SLC36A1: variants seen among roughly 807,000 people sequenced by gnomAD.
SLC36A1 encodes the protein proton-coupled amino acid transporter 1.
SLC36A1 carries 30 observed loss-of-function variants against 47.5 expected under a neutral mutation model. The observed-to-expected ratio is 0.63, with a 90% CI of 0.47 to 0.86. SLC36A1 has a LOEUF of 0.86. SLC36A1 is among the 40% of genes least tolerant of loss of function. The pLI, the probability that SLC36A1 is intolerant of heterozygous loss-of-function variation, is 0.00. For missense variants in SLC36A1, 517 were observed against 606.0 expected, an observed-to-expected ratio of 0.85 and a Z score of 1.54; for synonymous variants, 255 against 249.7, an observed-to-expected ratio of 1.02 and a Z score of -0.20.
chr5:151,554,557 G>A, the SLC36A1 span: 7 of 1,614,194 alleles, frequency 4.3e-6, no homozygotes, highest in South Asian at 6.6e-5. Flanking sequence ...TCTCTGGAAG[G>A]CGGACATTGA....
the SLC36A1 span, among the ~76,000 whole-genome samples, chr5:151,389,841 G>C: frequency 2.6e-4 from 40 of 151,872 alleles, no homozygotes; most frequent in East Asian, 2.1e-3. Context: ...CAAGTCTTTG[G>C]TATTGTGAAT....
the SLC36A1 span, chr5:151,528,186 G>A: frequency 9.4e-6 from 15 of 1,598,370 alleles, no homozygotes; most frequent in Non-Finnish European, 8.6e-7. Flanking sequence ...TTGACCCCTG[G>A]GAGTACAGGG....
the SLC36A1 span, chr5:151,386,947 A>G: frequency 1.4e-4 from 22 of 152,394 alleles, no homozygotes; most frequent in Middle Eastern, 3.4e-3. Context: ...ACAAACATTT[A>G]CTAAGCCTGG....
At chr5:151,468,707 C>A (rs1031425265) in intron 7 of SLC36A1, among the ~76,000 whole-genome samples, 1 of 151,760 alleles carries the variant, frequency 6.6e-6, no homozygotes, top group Non-Finnish European at 1.5e-5. Context: ...AAAATCGCCC[C>A]CCCACCCAGG....
At chr5:151,380,058 T>C in the SLC36A1 span, among the ~76,000 whole-genome samples, 1,648 of 152,032 alleles carry the variant, frequency 0.011, 67 homozygotes, top group East Asian at 0.14. Context: ...GTAAAAACGA[T>C]ACAGGAAAAT....
chr5:151,531,960 G>A, the SLC36A1 span: 21 of 1,614,028 alleles, frequency 1.3e-5, no homozygotes, highest in Non-Finnish European at 1.6e-5. This position sits in a 1 kb window ranked among gnomAD's most constrained non-coding sequence, Gnocchi z 5.7. Context: ...AAACCACCTG[G>A]GCATTGGCGC....
intron 7 of SLC36A1, among the ~76,000 whole-genome samples, chr5:151,470,074 A>C (rs1448127441): frequency 6.6e-6 from 1 of 152,234 alleles, no homozygotes; most frequent in Non-Finnish European, 1.5e-5. Context: ...TTTTTTAAAC[A>C]TAAAATAAAT....
chr5:151,537,597 A>C, the SLC36A1 span, among the ~76,000 whole-genome samples: 1 of 152,230 alleles, frequency 6.6e-6, no homozygotes, highest in Non-Finnish European at 1.5e-5. Context: ...TTCCCACTAG[A>C]TTATAAAGGC....
chr5:151,549,423 C>T, the SLC36A1 span: 41 of 1,613,994 alleles, frequency 2.5e-5, no homozygotes, highest in South Asian at 3.3e-4. Context: ...CTGAGTGAAG[C>T]GGGGTGGGTG....
the SLC36A1 span, chr5:151,505,238 C>G: frequency 1.4e-5 from 6 of 427,858 alleles, no homozygotes; most frequent in South Asian, 1.6e-4. Context: ...GGCTCTGCCC[C>G]GGGGACTGAG....
intron 3 of SLC36A1, 38 bp downstream of exon 3, chr5:151,463,681 T>C: frequency 6.8e-7 from 1 of 1,472,534 alleles, no homozygotes; most frequent in Non-Finnish European, 9.5e-7. Context: ...TGGTGACAAA[T>C]TTTAGGAGGT....
At chr5:151,473,393 A>G (rs1045784539) in intron 7 of SLC36A1, among the ~76,000 whole-genome samples, 2 of 152,244 alleles carry the variant, frequency 1.3e-5, no homozygotes, top group East Asian at 3.9e-4. Context: ...GGGATTACCT[A>G]GTGAAAGAAT....
At chr5:151,429,113 T>C in the SLC36A1 span, among the ~76,000 whole-genome samples, 2,652 of 152,334 alleles carry the variant, frequency 0.017, 76 homozygotes, top group African/African-American at 0.06. Flanking sequence ...TGCTTATCCC[T>C]ATGGCCTCAT....
At chr5:151,370,041 T>A in the SLC36A1 span, among the ~76,000 whole-genome samples, 1 of 152,204 alleles carries the variant, frequency 6.6e-6, no homozygotes, top group Non-Finnish European at 1.5e-5. Context: ...CCTCAAGTGA[T>A]CTGCCCACCT....
At chr5:151,383,603 C>G in the SLC36A1 span, among the ~76,000 whole-genome samples, 3 of 133,274 alleles carry the variant, frequency 2.3e-5, no homozygotes, top group Admixed American at 2.4e-4. Context: ...GACAGAGACT[C>G]GCTCTGTCGC....
downstream of SLC36A1, among the ~76,000 whole-genome samples, chr5:151,493,194 A>C (rs1407069890): frequency 6.6e-6 from 1 of 152,216 alleles, no homozygotes. Flanking sequence ...CTTAAGGCTT[A>C]AAATGTTTAT....
the SLC36A1 span, among the ~76,000 whole-genome samples, chr5:151,385,752 C>T: frequency 1.6e-4 from 25 of 152,210 alleles, no homozygotes; most frequent in Middle Eastern, 3.4e-3. Context: ...AAAAACCAAA[C>T]CAAACAAACA....
the SLC36A1 span, chr5:151,544,464 C>G: frequency 1.9e-6 from 3 of 1,614,146 alleles, no homozygotes; most frequent in Non-Finnish European, 2.5e-6. Context: ...GGACACCAGT[C>G]TTGAAGTCAG....
chr5:151,505,989 C>T, the SLC36A1 span: 188 of 1,572,520 alleles, frequency 1.2e-4, no homozygotes, highest in East Asian at 3.9e-3. Context: ...GGTTGAGTGG[C>T]GGTGAGCCGA....
Sources: allele counts gnomAD v4.1 joint callset (sites outside exome capture counted in the v4.1 genomes callset), GRCh38; gene constraint gnomAD v4.1.1; non-coding constraint Gnocchi (gnomAD v3.1); transcripts MANE v1.5; gene names NCBI Gene and HGNC (gene_info 2026-07-23, HGNC 2026-07-21).